The following TPR variants were observed in gnomAD, a reference collection of about 807,000 sequenced individuals.
TPR encodes the protein nucleoprotein TPR.
Under a neutral mutation model 316.1 loss-of-function variants are expected in TPR, and 51 were observed. That is an observed-to-expected ratio of 0.16 (90% CI 0.13 to 0.20). TPR has a LOEUF of 0.20. Among genes scored for constraint, TPR ranks in the 10% least tolerant of loss-of-function variants. The pLI is 1.00. For missense variants in TPR, 2,272 were observed against 2,754.8 expected (o/e 0.82, Z 3.92); for synonymous variants, 981 against 914.7 (o/e 1.07, Z -1.31).
intron 17 of TPR, among the ~76,000 whole-genome samples, chr1:186,354,968 A>T (rs756103242): frequency 2.0e-5 from 3 of 152,118 alleles, no homozygotes; most frequent in East Asian, 1.9e-4. Flanking sequence ...AGTGGCCCCA[A>T]TCTTGGCTCA....
rs767635485 is a variant in TPR, at chr1:186,312,881, T to C, written c.*1090A>G. The C allele has an allele frequency of 1.2e-6, 2 of 1,612,406 alleles. No homozygotes were observed. The highest frequency in any genetic ancestry group is 1.1e-5 in the South Asian group (1 of 91,056). On this transcript the variant is annotated 3_prime_UTR_variant, in exon 51 of 51. Coordinates refer to ENST00000367478, the MANE Select transcript of TPR (RefSeq NM_003292.3). ...GAAAACCTGACGGCTATGATTACTA[T>C]GCCTTTTCTAAAGGTAAGGTATTAA... is the stretch of plus-strand genomic sequence containing the variant.
intron 49 of TPR, 97 bp from the exon 50 acceptor site, chr1:186,314,821 T>G (rs1657546128): frequency 1.5e-6 from 1 of 662,992 alleles, no homozygotes; most frequent in African/African-American, 1.9e-5. Flanking sequence ...ATGAATAAGA[T>G]GTAGACTTGT....
At chr1:186,335,634 T>G in intron 33 of TPR, 91 bp from the exon 34 acceptor site, 1 of 981,616 alleles carries the variant, frequency 1.0e-6, no homozygotes, top group Non-Finnish European at 1.5e-6. Context: ...TCACATCAGA[T>G]TCTACTACTA....
rs1240523729 is a variant in TPR, at chr1:186,360,352, G to A, written c.1112C>T (p.Ser371Phe). 2 of 1,613,172 alleles carry A rather than the reference G, an allele frequency of 1.2e-6. No homozygotes were observed. Among genetic ancestry groups the A allele is most frequent in the Admixed American group, 1.7e-5 (1 of 59,934 alleles). The stretch of plus-strand genomic sequence containing the variant: ...AGACATGGCGGCAAGCTCTTCTTCA[G>A]ACAATATGGCTCCTGTGCCAACAAA... ...SATKRKGAIL[S>F]EEELAAMSPT... is the part of the protein sequence containing the mutation. Residue 371 changes from serine to phenylalanine, a missense_variant, in exon 11 of 51, where the codon TCT becomes TTT. By Grantham distance (155) the Ser-to-Phe change is radical. Around this residue, in one of 10 missense-constraint regions of TPR, gnomAD observed 549 missense variants for 598.6 expected, o/e 0.92. Transcript: ENST00000367478.
At chr1:186,363,040 T>A in intron 5 of TPR, 39 bp from the exon 6 acceptor site, 1 of 1,553,342 alleles carries the variant, frequency 6.4e-7, no homozygotes, top group Non-Finnish European at 8.6e-7. Flanking sequence ...CAGTTAAAGA[T>A]GATATATGAT....
chr1:186,331,467 G>T (rs748146601), intron 39 of TPR, 31 bp downstream of exon 39: 2 of 1,482,434 alleles, frequency 1.3e-6, no homozygotes, highest in African/African-American at 1.4e-5. Flanking sequence ...GAAAAGCAAC[G>T]GTGTGGTACT....
intron 36 of TPR, among the ~76,000 whole-genome samples, chr1:186,334,035 T>A (rs1185672600): frequency 6.6e-6 from 1 of 152,226 alleles, no homozygotes; most frequent in East Asian, 1.9e-4. Flanking sequence ...AACAAGAGTG[T>A]CATGGGAAAA....
chr1:186,347,295 T>G lies in TPR; in HGVS notation c.2940A>C (p.Lys980Asn). 3.1e-6 allele frequency: 5 copies of G among 1,613,304 alleles called. No individual in the cohort carries two copies. Among genetic ancestry groups the G allele is most frequent in the Non-Finnish European group, 4.2e-6 (5 of 1,179,638 alleles). The change falls in exon 22 of 51, where the codon AAA becomes AAC. Residue 980 changes from lysine (K) to asparagine (N), a missense_variant. By Grantham distance (94) the Lys-to-Asn change is moderately conservative. Around this residue, in one of 10 missense-constraint regions of TPR, gnomAD observed 757 missense variants for 859.8 expected, o/e 0.88. Transcript: ENST00000367478. Reference sequence around the variant, plus strand: ...CTGAATTCAGAATTATACATACCTGTTTTTCCTTGTTCAGGGATTCTTCTA... The same window carrying G: ...CTGAATTCAGAATTATACATACCTGGTTTTCCTTGTTCAGGGATTCTTCTA... The part of the protein sequence containing the change: ...TSLEESLNKE[K>N]QVTEEVRKNI...
chr1:186,312,807 A>C lies in TPR; in HGVS notation c.*1164T>G. The C allele has an allele frequency of 6.2e-7, 1 of 1,612,414 alleles. No individual in the cohort carries two copies. Among genetic ancestry groups the C allele is most frequent in the Non-Finnish European group, 8.5e-7 (1 of 1,178,482 alleles). ...TGAAGTTAAAGTGAGTATACTGTGG[A>C]GAGGACTTCCAAATGTGGTTACCTC... On this transcript the variant is annotated 3_prime_UTR_variant, in exon 51 of 51. Coordinates refer to ENST00000367478, the MANE Select transcript of TPR (RefSeq NM_003292.3).
At chr1:186,356,152 A>G (rs1171256244) in intron 15 of TPR, 134 bp downstream of exon 15, 2 of 718,360 alleles carry the variant, frequency 2.8e-6, no homozygotes, top group Non-Finnish European at 4.3e-6. Context: ...AGTTGATGGG[A>G]TGTTATAAGC....
In TPR at chr1:186,341,145, C is replaced by G. The variant is rs1658496992; in HGVS notation, c.3903G>C (p.Glu1301Asp). Residue 1301 changes from glutamate to aspartate, a missense_variant, in exon 29 of 51, where the codon GAG becomes GAC. By Grantham distance (45) the Glu-to-Asp change is conservative (BLOSUM62 2). Transcript: ENST00000367478. ...QQMQAKVRKL[E>D]LDILPLQEAN... ...CTTCTTGTAAGGGTAAAATATCTAACTCCAGTTTCCTCACCTGAAAATCAT... is the reference window on the plus strand; with the variant it reads ...CTTCTTGTAAGGGTAAAATATCTAAGTCCAGTTTCCTCACCTGAAAATCAT... The G allele has an allele frequency of 6.2e-7, 1 of 1,613,690 alleles. No individual in the cohort carries two copies. The highest frequency in any genetic ancestry group is 8.5e-7 in the Non-Finnish European group (1 of 1,179,980).
intron 42 of TPR, 100 bp from the exon 43 acceptor site, chr1:186,323,970 C>T (rs753295880): frequency 1.4e-5 from 17 of 1,227,530 alleles, no homozygotes; most frequent in East Asian, 2.8e-5. Flanking sequence ...GAATGTTCAC[C>T]GTACGAATAT....
chr1:186,336,016 T>C (rs1658329255), intron 33 of TPR, among the ~76,000 whole-genome samples: 1 of 152,114 alleles, frequency 6.6e-6, no homozygotes, highest in African/African-American at 2.4e-5. Context: ...CTCAGCAGAC[T>C]GATAGGCAAG....
At chr1:186,351,526 T>A in intron 19 of TPR, 56 bp from the exon 20 acceptor site, 1 of 1,492,270 alleles carries the variant, frequency 6.7e-7, no homozygotes. Context: ...TACAAAAAAA[T>A]AAAAATTGAA....
chr1:186,321,931 A>T (rs993360059), intron 45 of TPR, among the ~76,000 whole-genome samples: 1 of 152,220 alleles, frequency 6.6e-6, no homozygotes, highest in Non-Finnish European at 1.5e-5. Flanking sequence ...CTTAATTCTT[A>T]TAACTTATGC....
At chr1:186,345,747 G>A (rs1658658514) in intron 23 of TPR, 51 bp from the exon 24 acceptor site, 1 of 1,302,922 alleles carries the variant, frequency 7.7e-7, no homozygotes, top group African/African-American at 1.5e-5. Flanking sequence ...AACTTACTTG[G>A]AAAATACTGT....
At chr1:186,333,474 TG>T in intron 36 of TPR, 80 bp from the exon 37 acceptor site, 3 of 1,532,396 alleles carry the variant, frequency 2.0e-6, no homozygotes, top group Non-Finnish European at 2.6e-6. Flanking sequence ...CTGTGGTACA[TG>T]TCACCTTTCA....
chr1:186,327,558 T>C lies in TPR; in HGVS notation c.5791A>G (p.Thr1931Ala), dbSNP rs1341845345. The C allele has an allele frequency of 5.0e-6, 8 of 1,612,496 alleles. No individual in the cohort carries two copies. Among genetic ancestry groups the C allele is most frequent in the East Asian group, 2.2e-5 (1 of 44,734 alleles). ...TTGCCTTGACCATCCTGGGATGAAGTTGTCGTCTGCTGATCTGATTGAAGT... is the reference window on the plus strand; with the variant it reads ...TTGCCTTGACCATCCTGGGATGAAGCTGTCGTCTGCTGATCTGATTGAAGT... ...GPLQSDQQTT[T>A]SSQDGQGKGD... The change falls in exon 40 of 51, where the codon ACT (threonine) becomes GCT (alanine). Residue 1931 changes from threonine to alanine, a missense_variant. Transcript: ENST00000367478.
intron 49 of TPR, among the ~76,000 whole-genome samples, chr1:186,315,228 A>C (rs1367673356): frequency 6.7e-6 from 1 of 150,312 alleles, no homozygotes; most frequent in African/African-American, 2.5e-5. Flanking sequence ...AAACAAACAA[A>C]CAAAAAAAAA....
Sources: gnomAD v4.1 joint callset for allele counts (sites outside exome capture counted in the v4.1 genomes callset) on GRCh38, gnomAD v4.1.1 for gene constraint, gnomAD v4.1.1 regional missense constraint, MANE v1.5 for transcripts, NCBI Gene and HGNC (gene_info 2026-07-23, HGNC 2026-07-21) for gene names.